The following GALC variants were observed in gnomAD, a reference collection of about 807,000 sequenced individuals.
The protein encoded by GALC is galactocerebrosidase.
GALC carries 77 observed loss-of-function variants against 91.8 expected under a neutral mutation model. The observed-to-expected ratio is 0.84, with a 90% CI of 0.70 to 1.01. The LOEUF (loss-of-function observed/expected upper bound fraction) is 1.01, where lower values mean the gene tolerates loss of function less well. Ranked by LOEUF, GALC falls within the 50% of genes least tolerant of loss-of-function variation. The pLI is 0.00. For synonymous variants in GALC, 357 were observed against 306.7 expected, an observed-to-expected ratio of 1.16 and a Z score of -1.71; for missense variants, 882 against 855.9, an observed-to-expected ratio of 1.03 and a Z score of -0.38.
chr14:87,939,389 C>T (rs1049960283), intron 16 of GALC, among the ~76,000 whole-genome samples: 1 of 151,746 alleles, frequency 6.6e-6, no homozygotes, highest in African/African-American at 2.4e-5. Flanking sequence ...GAAGCACTGT[C>T]GAGCAGTAAC....
intron 2 of GALC, 59 bp from the exon 3 acceptor site, chr14:87,988,266 T>C: frequency 1.4e-6 from 2 of 1,454,094 alleles, no homozygotes; most frequent in South Asian, 1.1e-5. Context: ...TTCAAGACAA[T>C]TACTAATTAC....
At chr14:87,946,604 T>C (rs1885081628) in intron 13 of GALC, among the ~76,000 whole-genome samples, 1 of 33,012 alleles carries the variant, frequency 3.0e-5, no homozygotes, top group Non-Finnish European at 7.8e-5. Flanking sequence ...TCACAAAATA[T>C]TGGTCTTGGT....
Position 87,993,047 on chromosome 14 carries a change from C to T in GALC, c.118G>A (p.Gly40Ser), listed in dbSNP as rs780050514. Residue 40 changes from glycine (G) to serine (S), a missense_variant, in exon 1 of 17, where the codon GGC becomes AGC. Gly to Ser is a moderately conservative substitution (Grantham distance 56). Coordinates refer to ENST00000261304, the MANE Select transcript of GALC (RefSeq NM_000153.4). Reference protein sequence around the residue: ...PLLLCALLAPGGAYVLDDSDG... With the variant: ...PLLLCALLAPSGAYVLDDSDG... The stretch of plus-strand genomic sequence containing the variant: ...GAGTCGTCGAGCACGTACGCGCCGC[C>T]GGGCGCCAGCAGCGCACACAGCAGC... The T allele has an allele frequency of 9.0e-6, 14 of 1,557,440 alleles. No homozygotes were observed. The Admixed American group carries it at 9.4e-5, about 10-fold the overall frequency.
At chr14:87,961,957 T>G (rs1885825003) in intron 10 of GALC, among the ~76,000 whole-genome samples, 1 of 152,196 alleles carries the variant, frequency 6.6e-6, no homozygotes, top group African/African-American at 2.4e-5. Context: ...TTGTGATTCC[T>G]GTATAAATTT....
intron 7 of GALC, 88 bp from the exon 8 acceptor site, chr14:87,968,578 G>T (rs369531254): frequency 7.9e-6 from 10 of 1,272,264 alleles, no homozygotes; most frequent in Non-Finnish European, 1.0e-5. Flanking sequence ...ATAAAAATAC[G>T]AGTCTTCTCC....
intron 10 of GALC, among the ~76,000 whole-genome samples, chr14:87,962,198 G>A (rs903300820): frequency 3.3e-5 from 5 of 152,104 alleles, no homozygotes; most frequent in African/African-American, 9.7e-5. Flanking sequence ...ACCAACTATC[G>A]CCAGCTCTGA....
chr14:87,979,771 A>G (rs1886659499), intron 6 of GALC, among the ~76,000 whole-genome samples: 1 of 152,214 alleles, frequency 6.6e-6, no homozygotes, highest in South Asian at 2.1e-4. Context: ...ACCTTTCACT[A>G]TGAAGATGCT....
rs60680373 is a variant in GALC, at chr14:87,936,914, T to TATATATATATATATATATATATA, written c.1912-2037_1912-2036insTATATATATATATATATATATAT. 7.2e-3 allele frequency among the ~76,000 whole-genome samples: 758 copies of TATATATATATATATATATATATA among 105,526 alleles called. 80 individuals are homozygous for TATATATATATATATATATATATA. Among genetic ancestry groups the TATATATATATATATATATATATA allele is most frequent in the African/African-American group, 0.016 (412 of 25,512 alleles). The allele number at this position is 105,526 out of a possible 152,430, so 69.2% of individuals were successfully genotyped here. A position where few individuals can be genotyped will look rare whatever the true frequency, so the allele number is the denominator to read the frequency against. On this transcript the variant is annotated intron_variant, in intron 16 of 16. Transcript: ENST00000261304. ...TCAGGTACTATATATATATATATATTTATTTATTTTCTCATTGAATCTTCA... is the reference window on the plus strand; with the variant it reads ...TCAGGTACTATATATATATATATATTATATATATATATATATATATATATATTTATTTTCTCATTGAATCTTCA...
Position 87,939,917 on chromosome 14 carries a change from C to T in GALC, c.1899G>A (p.Thr633=), listed in dbSNP as rs370259898. Residue 633 remains threonine (T), a synonymous_variant, in exon 16 of 17, where the codon ACG becomes ACA. Coordinates refer to ENST00000261304, the MANE Select transcript of GALC (RefSeq NM_000153.4). The part of the protein sequence containing the change: ...EVTAKKWYTL[T]LTIKGHFTSG... ...CAGCAATACTTACCTTAATAGTTAA[C>T]GTGAGTGTATACCATTTTTTTGCTG... 126 of 1,605,240 alleles carry T rather than the reference C, an allele frequency of 7.8e-5. No homozygotes were observed. Among genetic ancestry groups the T allele is most frequent in the Middle Eastern group, 3.3e-4 (2 of 6,036 alleles).
At chr14:87,992,727 C>G (rs1378438560) in intron 1 of GALC, 4 of 1,424,952 alleles carry the variant, frequency 2.8e-6, no homozygotes, top group Non-Finnish European at 3.7e-6. Context: ...CCTATACTCT[C>G]TGGACCTCCG....
intron 10 of GALC, among the ~76,000 whole-genome samples, chr14:87,958,737 G>T: frequency 6.6e-6 from 1 of 152,006 alleles, no homozygotes; most frequent in East Asian, 1.9e-4. Flanking sequence ...CCAAGAACAC[G>T]CTAGGAAAAA....
At chr14:87,937,423 T>C (rs12881008) in intron 16 of GALC, among the ~76,000 whole-genome samples, 70,407 of 151,598 alleles carry the variant, frequency 0.46, 17,867 homozygotes, top group East Asian at 0.75. Flanking sequence ...CAGAAGACCC[T>C]CAGAGTATGT....
intron 16 of GALC, among the ~76,000 whole-genome samples, chr14:87,938,680 A>G (rs1884697726): frequency 6.6e-6 from 1 of 152,024 alleles, no homozygotes; most frequent in African/African-American, 2.4e-5. Flanking sequence ...ACACATAAAA[A>G]TAAATCCTAA....
chr14:87,968,303 A>G (rs1208359206), intron 8 of GALC, 32 bp downstream of exon 8: 2 of 1,558,632 alleles, frequency 1.3e-6, no homozygotes, highest in East Asian at 2.2e-5. Context: ...ATTTTTTTTG[A>G]TAAGAACTCT....
intron 15 of GALC, among the ~76,000 whole-genome samples, chr14:87,940,491 G>A (rs1884788058): frequency 6.6e-6 from 1 of 151,762 alleles, no homozygotes; most frequent in Non-Finnish European, 1.5e-5. Context: ...CAGACAATAG[G>A]GACTGCAGAC....
chr14:87,956,578 C>G (rs1885559714), intron 10 of GALC, among the ~76,000 whole-genome samples: 1 of 129,212 alleles, frequency 7.7e-6, no homozygotes, highest in Admixed American at 8.9e-5. Context: ...TATATATACA[C>G]ACACACCATA....
upstream of GALC, chr14:87,993,505 G>A (rs1224868376): frequency 2.0e-6 from 3 of 1,530,056 alleles, no homozygotes; most frequent in South Asian, 2.4e-5. Context: ...AGCATCTCAG[G>A]GAGTATCTAC....
rs1057168230 is a variant in GALC at position 87,984,289 on chromosome 14, C to T, written c.582+105G>A. On this transcript the variant is annotated intron_variant, in intron 5 of 16. Transcript: ENST00000261304. Reference sequence around the variant, plus strand: ...TCAGACACCATTAGAACAAATTAGCCTCATGGCATAAAATGGTTAGTCAAA... The same window carrying T: ...TCAGACACCATTAGAACAAATTAGCTTCATGGCATAAAATGGTTAGTCAAA... 51 of 1,119,458 alleles carry T rather than the reference C, an allele frequency of 4.6e-5. No homozygotes were observed. In the African/African-American group the frequency reaches 7.5e-4, roughly 17 times the overall value. 69.3% of individuals were successfully genotyped at this position (1,119,458 alleles called of 1,614,324 possible). A position where few individuals can be genotyped will look rare whatever the true frequency, so the allele number is the denominator to read the frequency against.
intron 10 of GALC, chr14:87,954,677 C>T (rs1291327450): frequency 1.3e-6 from 2 of 1,563,340 alleles, no homozygotes; most frequent in African/African-American, 1.4e-5. Context: ...AATTAAAGCC[C>T]AGATTTCAGA....
Sources: gnomAD v4.1 joint callset for allele counts (sites outside exome capture counted in the v4.1 genomes callset) on GRCh38, gnomAD v4.1.1 for gene constraint, MANE v1.5 for transcripts, NCBI Gene and HGNC (gene_info 2026-07-23, HGNC 2026-07-21) for gene names.